Variants in MBD5 observed in about 807,000 individuals in gnomAD.
MBD5 encodes methyl-CpG-binding domain protein 5.
A neutral mutation model predicts 117.3 loss-of-function variants in MBD5; 13 were observed. The observed-to-expected ratio is 0.11, with a 90% CI of 0.07 to 0.18. MBD5 has a LOEUF of 0.18. Among genes scored for constraint, MBD5 ranks in the 10% least tolerant of loss-of-function variants. The probability of loss-of-function intolerance (pLI) is 1.00; values close to 1 mark genes in which losing one functional copy is unlikely to be tolerated. For missense variants in MBD5, 1,879 were observed against 2,093.8 expected (o/e 0.90, Z 2.00); for synonymous variants, 727 against 766.4 (o/e 0.95, Z 0.85).
chr2:148,508,024 AAATTT>A lies in MBD5; in HGVS notation c.5037-2034_5037-2030del, dbSNP rs1682095545. The stretch of plus-strand genomic sequence containing the variant: ...TTCATACAAAAGAAATAGTGAGGAT[AAATTT>A]ATTTAACACATTACACACAGTGCGA... On this transcript the variant is annotated intron_variant, in intron 12 of 13. Transcript: ENST00000642680. Among the ~76,000 whole-genome samples the A allele has an allele frequency of 2.6e-5, 4 of 152,362 alleles. No homozygotes were observed. In the South Asian group the frequency reaches 8.3e-4, roughly 32 times the overall value.
At chr2:148,243,834 G>C (rs1700275430) in intron 3 of MBD5, 1 of 151,942 alleles carries the variant, frequency 6.6e-6, no homozygotes, top group Non-Finnish European at 1.5e-5. Flanking sequence ...ACAAACAAAA[G>C]CACACATATC....
chr2:148,400,152 T>C (rs1168168720), intron 4 of MBD5, among the ~76,000 whole-genome samples: 4 of 152,194 alleles, frequency 2.6e-5, no homozygotes, highest in African/African-American at 9.6e-5. Context: ...TTTTGTTTTA[T>C]TTATAAACAT....
chr2:148,127,686 T>A (rs1165914778), intron 1 of MBD5, among the ~76,000 whole-genome samples: 1 of 152,232 alleles, frequency 6.6e-6, no homozygotes, highest in Non-Finnish European at 1.5e-5. Flanking sequence ...AGTGCTCCAA[T>A]GTATATACGC....
Position 148,414,644 on chromosome 2 carries a change from C to T in MBD5, c.-556-43559C>T, listed in dbSNP as rs1031545466. Among the ~76,000 whole-genome samples the T allele has an allele frequency of 2.0e-5, 3 of 152,120 alleles. 1 individual carries two copies. Among genetic ancestry groups the T allele is most frequent in the African/African-American group, 7.2e-5 (3 of 41,420 alleles). On this transcript the variant is annotated intron_variant, in intron 4 of 13. Coordinates refer to ENST00000642680, the MANE Select transcript of MBD5 (RefSeq NM_001378120.1). The stretch of plus-strand genomic sequence containing the variant: ...ACTTGTTTTATGAATCTGGGTGCTC[C>T]TTTATTGGGTGCATATATTTTTAGG...
chr2:148,060,650 C>A (rs560011721), intron 1 of MBD5, among the ~76,000 whole-genome samples: 24 of 152,246 alleles, frequency 1.6e-4, no homozygotes, highest in African/African-American at 5.8e-4. Flanking sequence ...CAGAAGACTT[C>A]ACAGGAGAAT....
intron 4 of MBD5, among the ~76,000 whole-genome samples, chr2:148,385,363 T>C (rs1704318096): frequency 6.6e-6 from 1 of 152,234 alleles, no homozygotes; most frequent in African/African-American, 2.4e-5. Context: ...GAAAAAATAC[T>C]CATCATCACT....
intron 2 of MBD5, among the ~76,000 whole-genome samples, chr2:148,202,856 C>T (rs1200407865): frequency 2.0e-5 from 3 of 151,652 alleles, no homozygotes. Flanking sequence ...AGTGAGAACC[C>T]ATCTCTTAAA....
chr2:148,311,652 G>T (rs1299941569), intron 3 of MBD5, among the ~76,000 whole-genome samples: 1 of 152,112 alleles, frequency 6.6e-6, no homozygotes, highest in African/African-American at 2.4e-5. Flanking sequence ...GTTTACATTT[G>T]AGGGTAATAT....
intron 3 of MBD5, among the ~76,000 whole-genome samples, chr2:148,245,348 C>T (rs1013936893): frequency 6.6e-6 from 1 of 152,176 alleles, no homozygotes; most frequent in South Asian, 2.1e-4. Flanking sequence ...GCCTCAGCCT[C>T]CCGAGTAGCT....
intron 11 of MBD5, among the ~76,000 whole-genome samples, chr2:148,501,009 G>A (rs947223483): frequency 6.6e-6 from 1 of 152,162 alleles, no homozygotes; most frequent in Non-Finnish European, 1.5e-5. Flanking sequence ...AGTGTTATTG[G>A]AACAAAGTTG....
intron 1 of MBD5, among the ~76,000 whole-genome samples, chr2:148,126,069 A>G (rs1696881659): frequency 6.6e-6 from 1 of 152,122 alleles, no homozygotes; most frequent in Non-Finnish European, 1.5e-5. Flanking sequence ...AGATCTGTTT[A>G]CTAGCCAGCC....
chr2:148,203,973 C>T (rs987544983), intron 2 of MBD5, among the ~76,000 whole-genome samples: 2 of 152,092 alleles, frequency 1.3e-5, no homozygotes, highest in African/African-American at 4.8e-5. Context: ...CCCCTTTTGC[C>T]TATTTTAGAG....
intron 3 of MBD5, among the ~76,000 whole-genome samples, chr2:148,250,711 A>C (rs1348379146): frequency 6.6e-6 from 1 of 152,226 alleles, no homozygotes; most frequent in Admixed American, 6.5e-5. Context: ...ATGGTGGTGC[A>C]TTCAGAGAGC....
chr2:148,059,812 C>T (rs1167947179), intron 1 of MBD5, among the ~76,000 whole-genome samples: 2 of 151,540 alleles, frequency 1.3e-5, no homozygotes, highest in Non-Finnish European at 1.5e-5. Context: ...CGCCACTGCA[C>T]CCCAGCCTGG....
chr2:148,101,763 TTC>T (rs1282674065), intron 1 of MBD5, among the ~76,000 whole-genome samples: 1 of 152,220 alleles, frequency 6.6e-6, no homozygotes, highest in African/African-American at 2.4e-5. Flanking sequence ...AAAAATTGTG[TTC>T]TCTCAGTAAA....
Position 148,179,794 on chromosome 2 carries a change from C to G in MBD5, c.-831+1001C>G, listed in dbSNP as rs576608615. On this transcript the variant is annotated intron_variant, in intron 2 of 13. Transcript: ENST00000642680. The stretch of plus-strand genomic sequence containing the variant: ...CTTGCCAAATGGGGACAATGGAAGC[C>G]TGGAGAGTATGTGACCTGTAAACGG... Among the ~76,000 whole-genome samples, 9 of 152,240 alleles carry G rather than the reference C, an allele frequency of 5.9e-5. No homozygotes were observed. The South Asian group carries it at 1.7e-3, about 28-fold the overall frequency.
chr2:148,158,647 T>C, intron 1 of MBD5, among the ~76,000 whole-genome samples: 1 of 152,260 alleles, frequency 6.6e-6, no homozygotes, highest in East Asian at 1.9e-4. Flanking sequence ...ATATTGAATA[T>C]TTACCATGTG....
intron 4 of MBD5, among the ~76,000 whole-genome samples, chr2:148,353,090 T>C (rs897045739): frequency 1.3e-5 from 2 of 152,136 alleles, no homozygotes; most frequent in Non-Finnish European, 2.9e-5. Flanking sequence ...AGAGAAGAGC[T>C]ATAGTTTCCA....
At position 148,240,078 on chromosome 2, in the gene MBD5, A is replaced by G. The variant is rs542467842; in HGVS notation, c.-680+6683A>G. 2.6e-3 allele frequency among the ~76,000 whole-genome samples: 392 copies of G among 152,248 alleles called. 2 individuals carry two copies. Among genetic ancestry groups the G allele is most frequent in the South Asian group, 5.6e-3 (27 of 4,826 alleles). ...TGGCACATATACACCATGGAATCCT[A>G]TGCAGCCATTAAAAAAGGATGAGTT... On this transcript the variant is annotated intron_variant, in intron 3 of 13. Coordinates refer to ENST00000642680, the MANE Select transcript of MBD5 (RefSeq NM_001378120.1).
Sources: allele counts gnomAD v4.1 joint callset (sites outside exome capture counted in the v4.1 genomes callset), GRCh38; gene constraint gnomAD v4.1.1; transcripts MANE v1.5; gene names NCBI Gene and HGNC (gene_info 2026-07-23, HGNC 2026-07-21).